ASDURF: variants seen among roughly 807,000 people sequenced by gnomAD.
ASDURF encodes the protein ASDURF protein.
A neutral mutation model predicts 3.3 loss-of-function variants in ASDURF; 3 were observed. The observed-to-expected ratio is 0.92, with a 90% confidence interval of 0.42 to 2.37. The LOEUF (loss-of-function observed/expected upper bound fraction) is 2.37, where lower values mean the gene tolerates loss of function less well. Among genes scored for constraint, ASDURF ranks in the 30% most tolerant of loss-of-function variants. The pLI is 0.05. For missense variants in ASDURF, 23 were observed against 25.4 expected (o/e 0.90, Z 0.21); for synonymous variants, 11 against 8.3 (o/e 1.32, Z -0.55).
chr2:189,665,308 G>T, intron 2 of ASDURF, 68 bp from the exon 3 acceptor site: 1 of 384,932 alleles, frequency 2.6e-6, no homozygotes, highest in Non-Finnish European at 4.6e-6. Flanking sequence ...AGTGATAATA[G>T]GGTTTAAGGA....
At position 189,661,505 on chromosome 2, in the gene ASDURF, C is replaced by T. The variant is rs1197407670; in HGVS notation, c.-16C>T. ...TTCAGGGCTGAGCCATCCCGCGTGT[C>T]TTGCGCTCGGTGGAAATGCCCAGCC... On this transcript the variant is annotated 5_prime_UTR_variant, in exon 1 of 4. Coordinates refer to ENST00000607829, the MANE Select transcript of ASDURF (RefSeq NM_001353493.2). The T allele has an allele frequency of 5.0e-6, 2 of 399,134 alleles. 1 individual carries two copies. 24.7% of individuals were successfully genotyped at this position (399,134 alleles called of 1,614,324 possible). A position where few individuals can be genotyped will look rare whatever the true frequency, so the allele number is the denominator to read the frequency against.
Position 189,666,257 on chromosome 2 carries a change from A to G in ASDURF, c.*146A>G, listed in dbSNP as rs146886286. ...AGTAGTAAACAATTGTTAAAGTCTG[A>G]TGTTAACTACCAGTGTTTATTTTCT... is the stretch of plus-strand genomic sequence containing the variant. On this transcript the variant is annotated 3_prime_UTR_variant, in exon 4 of 4. Coordinates refer to ENST00000607829, the MANE Select transcript of ASDURF (RefSeq NM_001353493.2). 1 of 1,614,046 alleles carries G rather than the reference A, an allele frequency of 6.2e-7. No individual in the cohort carries two copies. The highest frequency in any genetic ancestry group is 1.3e-5 in the African/African-American group (1 of 74,936).
chr2:189,661,920 T>C (rs2032674131), intron 1 of ASDURF, among the ~76,000 whole-genome samples: 1 of 152,172 alleles, frequency 6.6e-6, no homozygotes, highest in African/African-American at 2.4e-5. Context: ...CCAAATCTGT[T>C]CCATCAAAGA....
chr2:189,664,242 T>C (rs2032736505), intron 2 of ASDURF, among the ~76,000 whole-genome samples: 1 of 152,324 alleles, frequency 6.6e-6, no homozygotes, highest in East Asian at 1.9e-4. Flanking sequence ...GTTTTATACC[T>C]GAATTTGATG....
intron 1 of ASDURF, among the ~76,000 whole-genome samples, chr2:189,662,790 T>C (rs931377917): frequency 2.0e-5 from 3 of 151,726 alleles, no homozygotes; most frequent in African/African-American, 7.3e-5. Flanking sequence ...CCCCTACAAA[T>C]AAATGAAGCC....
At chr2:189,664,617 C>T (rs1443486033) in intron 2 of ASDURF, among the ~76,000 whole-genome samples, 2 of 152,120 alleles carry the variant, frequency 1.3e-5, no homozygotes, top group Non-Finnish European at 2.9e-5. Context: ...ATTAGCCAGG[C>T]GTGTGCCTGT....
intron 1 of ASDURF, 144 bp from the exon 2 acceptor site, chr2:189,663,757 G>GT: frequency 3.0e-6 from 1 of 330,950 alleles, no homozygotes. Context: ...AAAATGATCT[G>GT]TATATTCACA....
At chr2:189,664,230 A>T (rs998126825) in intron 2 of ASDURF, among the ~76,000 whole-genome samples, 1 of 152,186 alleles carries the variant, frequency 6.6e-6, no homozygotes, top group African/African-American at 2.4e-5. Context: ...ATCACTAATG[A>T]TGTTTTATAC....
chr2:189,662,548 G>T (rs2032691759), intron 1 of ASDURF, among the ~76,000 whole-genome samples: 1 of 152,132 alleles, frequency 6.6e-6, no homozygotes, highest in Non-Finnish European at 1.5e-5. Context: ...ACAGAAAGGT[G>T]CACATTCATG....
chr2:189,665,481 G>A, intron 3 of ASDURF, 30 bp downstream of exon 3: 1 of 395,398 alleles, frequency 2.5e-6, no homozygotes, highest in East Asian at 3.6e-5. Context: ...GGGTTTTTGG[G>A]GGGTGCCTAA....
chr2:189,661,927 A>G (rs2032674406), intron 1 of ASDURF, among the ~76,000 whole-genome samples: 1 of 152,154 alleles, frequency 6.6e-6, no homozygotes, highest in Non-Finnish European at 1.5e-5. Flanking sequence ...TGTTCCATCA[A>G]AGATATTCTC....
intron 3 of ASDURF, among the ~76,000 whole-genome samples, 193 bp downstream of exon 3, chr2:189,665,644 A>ATATATATATATATATG (rs1455945789): frequency 4.8e-5 from 6 of 123,748 alleles, no homozygotes; most frequent in East Asian, 4.8e-4. Context: ...ATATATATAT[A>ATATATATATATATATG]TATTATAAAT....
chr2:189,665,618 A>ATGTG (rs1559034468), intron 3 of ASDURF, among the ~76,000 whole-genome samples, 167 bp downstream of exon 3: 1 of 108,900 alleles, frequency 9.2e-6, no homozygotes, highest in Non-Finnish European at 2.0e-5. Flanking sequence ...ATATATATAT[A>ATGTG]TATATATATA....
Position 189,666,331 on chromosome 2 carries a change from G to T in ASDURF, c.*220G>T, listed in dbSNP as rs1484145711. 1 of 1,613,900 alleles carries T rather than the reference G, an allele frequency of 6.2e-7. No individual in the cohort carries two copies. Among genetic ancestry groups the T allele is most frequent in the Non-Finnish European group, 8.5e-7 (1 of 1,179,878 alleles). On this transcript the variant is annotated 3_prime_UTR_variant, in exon 4 of 4. Coordinates refer to ENST00000607829, the MANE Select transcript of ASDURF (RefSeq NM_001353493.2). ...TGTTTTGACTACCCAGCCTGTGGAA[G>T]ATGAAAGAGGCAATGTGTTTCTATG...
intron 1 of ASDURF, 66 bp from the exon 2 acceptor site, chr2:189,663,835 T>G (rs1017701788): frequency 2.7e-6 from 1 of 367,986 alleles, no homozygotes; most frequent in Non-Finnish European, 4.9e-6. Context: ...AACAACCCCT[T>G]AAGGGATTTT....
chr2:189,665,939 TG>T, intron 3 of ASDURF, 101 bp from the exon 4 acceptor site: 3 of 520,206 alleles, frequency 5.8e-6, no homozygotes, highest in Non-Finnish European at 9.9e-6. Flanking sequence ...TGTGTTTATA[TG>T]GTTTGATTTT....
At position 189,666,216 on chromosome 2, in the gene ASDURF, A is replaced by T; in HGVS notation, c.*105A>T. ...AAGAGGACTTACTATATAATCTTAA[A>T]CAGCGGGGACCCAATAGTAGTAAAC... On this transcript the variant is annotated 3_prime_UTR_variant, in exon 4 of 4. Transcript: ENST00000607829. The T allele has an allele frequency of 6.2e-7, 1 of 1,613,538 alleles. No individual in the cohort carries two copies. The highest frequency in any genetic ancestry group is 1.1e-5 in the South Asian group (1 of 90,790).
chr2:189,665,511 T>TAA, intron 3 of ASDURF, 60 bp downstream of exon 3: 2 of 384,694 alleles, frequency 5.2e-6, no homozygotes, highest in Non-Finnish European at 4.6e-6. Flanking sequence ...ATCTGAGTGT[T>TAA]AAAATATATA....
At chr2:189,662,125 C>G (rs2032680558) in intron 1 of ASDURF, among the ~76,000 whole-genome samples, 1 of 152,232 alleles carries the variant, frequency 6.6e-6, no homozygotes, top group South Asian at 2.1e-4. Flanking sequence ...CCTAAGCGGT[C>G]TCTCCTCATC....
Sources: gnomAD v4.1 joint callset for allele counts (sites outside exome capture counted in the v4.1 genomes callset) on GRCh38, gnomAD v4.1.1 for gene constraint, MANE v1.5 for transcripts, NCBI Gene and HGNC (gene_info 2026-07-23, HGNC 2026-07-21) for gene names.